The following CNTNAP5 variants were observed in gnomAD, a reference collection of about 807,000 sequenced individuals.
CNTNAP5 encodes the protein contactin associated protein family member 5.
In CNTNAP5, 72 loss-of-function variants were observed where a neutral mutation model predicts 150.2. The ratio of observed to expected loss-of-function variants is 0.48; its 90% CI spans 0.40 to 0.58. CNTNAP5 has a LOEUF of 0.58. Ranked by LOEUF, CNTNAP5 falls within the 20% of genes least tolerant of loss-of-function variation. CNTNAP5 has a pLI of 0.00. For missense variants in CNTNAP5, 1,636 were observed against 1,626.2 expected, an observed-to-expected ratio of 1.01 and a Z score of -0.10; for synonymous variants, 672 against 619.8, an observed-to-expected ratio of 1.08 and a Z score of -1.25.
chr2:124,783,454 T>A (rs1414527563), intron 17 of CNTNAP5, among the ~76,000 whole-genome samples: 5 of 152,156 alleles, frequency 3.3e-5, no homozygotes, highest in Non-Finnish European at 5.9e-5. Flanking sequence ...TTTCTGCTTG[T>A]AATCCTCCTC....
intron 1 of CNTNAP5, among the ~76,000 whole-genome samples, chr2:124,199,068 T>C (rs1336294709): frequency 6.6e-6 from 1 of 152,178 alleles, no homozygotes; most frequent in Non-Finnish European, 1.5e-5. Flanking sequence ...TCCTTATATG[T>C]ACCAAGGTAT....
chr2:124,397,610 T>C (rs1358405271), intron 3 of CNTNAP5, among the ~76,000 whole-genome samples: 8 of 152,134 alleles, frequency 5.3e-5, no homozygotes, highest in Non-Finnish European at 1.2e-4. Flanking sequence ...ACTACAATGA[T>C]GTTATGTTAC....
At chr2:124,783,951 A>G (rs1369570703) in intron 17 of CNTNAP5, among the ~76,000 whole-genome samples, 3 of 152,172 alleles carry the variant, frequency 2.0e-5, no homozygotes, top group Non-Finnish European at 4.4e-5. Flanking sequence ...TGGTACCAAG[A>G]TTCTGCCAAT....
At chr2:124,728,862 A>T (rs1680212845) in intron 13 of CNTNAP5, among the ~76,000 whole-genome samples, 1 of 152,092 alleles carries the variant, frequency 6.6e-6, no homozygotes, top group Non-Finnish European at 1.5e-5. Context: ...AACTAAACTC[A>T]ATTCTAATTT....
chr2:124,720,757 C>G (rs375100449), intron 13 of CNTNAP5, among the ~76,000 whole-genome samples: 1 of 152,122 alleles, frequency 6.6e-6, no homozygotes, highest in African/African-American at 2.4e-5. Flanking sequence ...GACAGTTGTA[C>G]TTTTGAAAAT....
At chr2:124,113,480 T>C (rs1683348954) in intron 1 of CNTNAP5, among the ~76,000 whole-genome samples, 2 of 150,662 alleles carry the variant, frequency 1.3e-5, no homozygotes, top group African/African-American at 4.9e-5. Flanking sequence ...CTATATTGTA[T>C]ATATCTATTC....
chr2:124,848,303 C>G lies in CNTNAP5; in HGVS notation c.3218-17003C>G, dbSNP rs905030874. 2.0e-5 allele frequency among the ~76,000 whole-genome samples: 3 copies of G among 152,150 alleles called. No homozygotes were observed. In the South Asian group the frequency reaches 6.2e-4, roughly 32 times the overall value. Reference sequence around the variant, plus strand: ...GTCTCTCTGTGTCTGGCTTATTTCACTTTGCATTATGTCTTCCAATATCAT... The same window carrying G: ...GTCTCTCTGTGTCTGGCTTATTTCAGTTTGCATTATGTCTTCCAATATCAT... On this transcript the variant is annotated intron_variant, in intron 19 of 23. Coordinates refer to ENST00000682447, the MANE Select transcript of CNTNAP5 (RefSeq NM_001367498.1).
At chr2:124,842,465 G>A (rs1178047830) in intron 19 of CNTNAP5, among the ~76,000 whole-genome samples, 2 of 152,148 alleles carry the variant, frequency 1.3e-5, no homozygotes, top group Non-Finnish European at 2.9e-5. Flanking sequence ...TTGAAAAAGG[G>A]CTGCCATTCA....
In CNTNAP5 at chr2:124,271,784, G is replaced by A. The variant is rs543939739; in HGVS notation, c.381+29391G>A. Among the ~76,000 whole-genome samples, 7 of 151,692 alleles carry A rather than the reference G, an allele frequency of 4.6e-5. No individual in the cohort carries two copies. In the East Asian group the frequency reaches 5.9e-4, roughly 13 times the overall value. ...GGCTGTAGTGCATTGGCACGATCTC[G>A]GCTCACCGCAACCTCCACCTCCCAG... is the stretch of plus-strand genomic sequence containing the variant. On this transcript the variant is annotated intron_variant, in intron 3 of 23. Transcript: ENST00000682447.
chr2:124,764,636 G>C (rs991938502), intron 16 of CNTNAP5, among the ~76,000 whole-genome samples: 4 of 152,102 alleles, frequency 2.6e-5, no homozygotes, highest in Non-Finnish European at 5.9e-5. Flanking sequence ...GGACAGTGGC[G>C]TATCTAATAA....
chr2:124,259,649 A>G (rs1687403090), intron 3 of CNTNAP5, among the ~76,000 whole-genome samples: 1 of 152,300 alleles, frequency 6.6e-6, no homozygotes, highest in Non-Finnish European at 1.5e-5. Context: ...GGCTGCATAA[A>G]TATCTTCTTT....
chr2:124,285,007 T>C (rs1688112352), intron 3 of CNTNAP5, among the ~76,000 whole-genome samples: 1 of 152,078 alleles, frequency 6.6e-6, no homozygotes. Context: ...AGCCTCAATC[T>C]CCTCGGCTCA....
rs983887682 is a variant in CNTNAP5 at position 124,087,769 on chromosome 2, C to T, written c.82+62037C>T. On this transcript the variant is annotated intron_variant, in intron 1 of 23. Transcript: ENST00000682447. ...TTAACCACACTAAAAGTATTGTGCTCCCTTTTTTCTGAACTCCATGGTTTC... is the reference window on the plus strand; with the variant it reads ...TTAACCACACTAAAAGTATTGTGCTTCCTTTTTTCTGAACTCCATGGTTTC... 7.3e-5 allele frequency among the ~76,000 whole-genome samples: 11 copies of T among 151,058 alleles called. 1 individual carries two copies. Among genetic ancestry groups the T allele is most frequent in the African/African-American group, 2.5e-4 (10 of 40,434 alleles).
At chr2:124,386,927 G>A (rs1034558583) in intron 3 of CNTNAP5, among the ~76,000 whole-genome samples, 1 of 152,146 alleles carries the variant, frequency 6.6e-6, no homozygotes, top group African/African-American at 2.4e-5. Flanking sequence ...CTAATCATGG[G>A]ATTAATGCTC....
intron 21 of CNTNAP5, among the ~76,000 whole-genome samples, chr2:124,877,144 T>C (rs960280114): frequency 3.3e-5 from 5 of 152,106 alleles, no homozygotes; most frequent in African/African-American, 1.2e-4. Context: ...TGATTTAAGA[T>C]GCAATTTTAT....
intron 3 of CNTNAP5, among the ~76,000 whole-genome samples, chr2:124,296,209 A>G (rs575098275): frequency 6.6e-6 from 1 of 152,254 alleles, no homozygotes; most frequent in Admixed American, 6.5e-5. Flanking sequence ...ACAACAGAAA[A>G]TCACCCTTGA....
rs751918383 is a variant in CNTNAP5, at chr2:124,643,489, GA to G, written c.1877-4259del. Among the ~76,000 whole-genome samples the G allele has an allele frequency of 3.5e-3, 519 of 148,448 alleles. 4 individuals are homozygous for G. Among genetic ancestry groups the G allele is most frequent in the Middle Eastern group, 0.014 (4 of 284 alleles). ...AGATACATAGGGCAATTCTATAGTG[GA>G]AAAAAAAAACTTAACAAGGTGGTAA... On this transcript the variant is annotated intron_variant, in intron 12 of 23. Transcript: ENST00000682447.
chr2:124,448,171 G>A (rs1692871361), intron 6 of CNTNAP5, among the ~76,000 whole-genome samples: 1 of 151,980 alleles, frequency 6.6e-6, no homozygotes, highest in Non-Finnish European at 1.5e-5. Flanking sequence ...AGGAGGCTGA[G>A]GCAGGAGAAT....
At chr2:124,589,830 A>G (rs1012012245) in intron 11 of CNTNAP5, among the ~76,000 whole-genome samples, 2 of 152,216 alleles carry the variant, frequency 1.3e-5, no homozygotes, top group Admixed American at 6.5e-5. Context: ...ATAATCAAGA[A>G]GCAGAATAGT....
Sources: gnomAD v4.1 joint callset for allele counts (sites outside exome capture counted in the v4.1 genomes callset) on GRCh38, gnomAD v4.1.1 for gene constraint, MANE v1.5 for transcripts, NCBI Gene and HGNC (gene_info 2026-07-23, HGNC 2026-07-21) for gene names.